The following VSNL1 variants were observed in gnomAD, a reference collection of about 807,000 sequenced individuals.
VSNL1 encodes visinin like 1, also known as visinin-like protein 1.
VSNL1 carries 6 observed loss-of-function variants against 20.4 expected under a neutral mutation model. The ratio of observed to expected loss-of-function variants is 0.29; its 90% CI spans 0.16 to 0.58. The LOEUF (loss-of-function observed/expected upper bound fraction) is 0.58, where lower values mean the gene tolerates loss of function less well. Among genes scored for constraint, VSNL1 ranks in the 20% least tolerant of loss-of-function variants. The probability of loss-of-function intolerance (pLI) is 0.90; values close to 1 mark genes in which losing one functional copy is unlikely to be tolerated. For synonymous variants in VSNL1, 93 were observed against 86.4 expected (o/e 1.08, Z -0.42); for missense variants, 100 against 234.5 (o/e 0.43, Z 3.75).
In VSNL1 at chr2:17,587,394, C is replaced by CACACAT. The variant is rs546861051; in HGVS notation, c.-5-4675_-5-4674insCACATA. 5.5e-3 allele frequency among the ~76,000 whole-genome samples: 795 copies of CACACAT among 144,566 alleles called. 10 individuals carry two copies. The highest frequency in any genetic ancestry group is 0.018 in the African/African-American group (730 of 39,512). The allele number at this position is 144,566 out of a possible 152,430, so 94.8% of individuals were successfully genotyped here. ...ACACACACACACACACACACACACACATATATTTTGTTTCAATCCTCTTTA... is the reference window on the plus strand; with the variant it reads ...ACACACACACACACACACACACACACACACATATATATTTTGTTTCAATCCTCTTTA... On this transcript the variant is annotated intron_variant, in intron 1 of 3. Transcript: ENST00000295156.
At chr2:17,587,249 C>T (rs1572349243) in intron 1 of VSNL1, among the ~76,000 whole-genome samples, 1 of 151,988 alleles carries the variant, frequency 6.6e-6, no homozygotes, top group Non-Finnish European at 1.5e-5. Flanking sequence ...CTGGGAGGAG[C>T]TGGATATGCA....
At chr2:17,623,970 G>A (rs187799236) in intron 2 of VSNL1, among the ~76,000 whole-genome samples, 9 of 152,198 alleles carry the variant, frequency 5.9e-5, no homozygotes, top group Non-Finnish European at 1.2e-4. Context: ...TCATAGTGTC[G>A]CTAGCTACAA....
At chr2:17,637,904 C>T (rs985464819) in intron 2 of VSNL1, among the ~76,000 whole-genome samples, 4 of 152,172 alleles carry the variant, frequency 2.6e-5, no homozygotes, top group South Asian at 2.1e-4. Flanking sequence ...CTTTCCCGGA[C>T]GTGGTCTCAC....
intron 2 of VSNL1, among the ~76,000 whole-genome samples, chr2:17,629,872 C>T (rs555068255): frequency 7.3e-4 from 111 of 152,240 alleles, no homozygotes; most frequent in Middle Eastern, 3.4e-3. Flanking sequence ...GGGGTGGTCC[C>T]CCACCCCCAC....
At chr2:17,578,146 T>C (rs764238668) in intron 1 of VSNL1, among the ~76,000 whole-genome samples, 1 of 152,262 alleles carries the variant, frequency 6.6e-6, no homozygotes, top group Non-Finnish European at 1.5e-5. Flanking sequence ...CACAATTTAA[T>C]GTTGAATGAA....
intron 1 of VSNL1, among the ~76,000 whole-genome samples, chr2:17,561,311 C>T (rs145335187): frequency 6.6e-6 from 1 of 152,194 alleles, no homozygotes; most frequent in Non-Finnish European, 1.5e-5. Context: ...AGGAGTCAGC[C>T]AGGTGAAGAG....
At chr2:17,563,537 T>C (rs1160917790) in intron 1 of VSNL1, among the ~76,000 whole-genome samples, 1 of 152,170 alleles carries the variant, frequency 6.6e-6, no homozygotes, top group Non-Finnish European at 1.5e-5. Flanking sequence ...ATTGCCTGTC[T>C]GCTATCTGAA....
chr2:17,568,578 C>A (rs1286750191), intron 1 of VSNL1, among the ~76,000 whole-genome samples: 2 of 152,216 alleles, frequency 1.3e-5, no homozygotes, highest in East Asian at 1.9e-4. Flanking sequence ...CAACCCCCAT[C>A]ATTCATGTCA....
Position 17,649,748 on chromosome 2 carries a change from C to T in VSNL1, c.378+123C>T. ...CGAGCCCTGCCAGCTGCACACCACG[C>T]CTGGACTTCTCCTGCTTCTGTCCCC... is the stretch of plus-strand genomic sequence containing the variant. On this transcript the variant is annotated intron_variant, in intron 3 of 3. Transcript: ENST00000295156. This position sits in a 1 kb window ranked among gnomAD's most constrained non-coding sequence, Gnocchi z 6.4. The T allele has an allele frequency of 2.2e-6, 2 of 905,906 alleles. No homozygotes were observed. Among genetic ancestry groups the T allele is most frequent in the Non-Finnish European group, 3.4e-6 (2 of 591,716 alleles). The allele number at this position is 905,906 out of a possible 1,614,324, so 56.1% of individuals were successfully genotyped here.
At chr2:17,594,863 A>T (rs1220660428) in intron 2 of VSNL1, among the ~76,000 whole-genome samples, 2 of 152,248 alleles carry the variant, frequency 1.3e-5, no homozygotes, top group Non-Finnish European at 2.9e-5. Context: ...TTGCATTCCA[A>T]ATGTGAAGGA....
chr2:17,619,693 C>CCAGG (rs1171090141), intron 2 of VSNL1, among the ~76,000 whole-genome samples: 4 of 152,110 alleles, frequency 2.6e-5, no homozygotes, highest in Admixed American at 1.3e-4. Context: ...GACTCCCCAT[C>CCAGG]CAGGGCTCCC....
intron 2 of VSNL1, among the ~76,000 whole-genome samples, chr2:17,636,962 T>A (rs1231824334): frequency 6.6e-6 from 1 of 152,206 alleles, no homozygotes; most frequent in Non-Finnish European, 1.5e-5. Flanking sequence ...AATCTCCTGA[T>A]TTACAGGCAG....
chr2:17,582,082 G>A (rs1252534990), intron 1 of VSNL1, among the ~76,000 whole-genome samples: 1 of 152,164 alleles, frequency 6.6e-6, no homozygotes, highest in Admixed American at 6.5e-5. Flanking sequence ...GTTCACTAGA[G>A]AACCAACGTG....
intron 2 of VSNL1, among the ~76,000 whole-genome samples, chr2:17,617,202 G>C (rs747405352): frequency 6.6e-6 from 1 of 152,184 alleles, no homozygotes; most frequent in Admixed American, 6.5e-5. Flanking sequence ...TTCAGCAGGA[G>C]AGCTTGAGAG....
chr2:17,612,905 G>T (rs1665124399), intron 2 of VSNL1, among the ~76,000 whole-genome samples: 1 of 152,152 alleles, frequency 6.6e-6, no homozygotes, highest in Non-Finnish European at 1.5e-5. Context: ...CAGTTCTAGG[G>T]ATACAGAGAT....
intron 2 of VSNL1, among the ~76,000 whole-genome samples, chr2:17,629,235 G>A (rs1051861688): frequency 4.6e-5 from 7 of 152,198 alleles, no homozygotes; most frequent in Non-Finnish European, 8.8e-5. Flanking sequence ...ACACATCTGA[G>A]ATCCAATCCC....
At chr2:17,553,135 G>A (rs1032798968) in intron 1 of VSNL1, among the ~76,000 whole-genome samples, 9 of 152,148 alleles carry the variant, frequency 5.9e-5, no homozygotes, top group African/African-American at 1.9e-4. Flanking sequence ...GCCAAAAAGC[G>A]TGGCCTTCTT....
At chr2:17,613,154 C>T (rs1337194978) in intron 2 of VSNL1, among the ~76,000 whole-genome samples, 1 of 152,162 alleles carries the variant, frequency 6.6e-6, no homozygotes, top group Non-Finnish European at 1.5e-5. Context: ...CCCCACAATT[C>T]ATCACCATCC....
At chr2:17,623,511 T>TA (rs1665433302) in intron 2 of VSNL1, among the ~76,000 whole-genome samples, 1 of 151,376 alleles carries the variant, frequency 6.6e-6, no homozygotes, top group Non-Finnish European at 1.5e-5. Flanking sequence ...CTACTAAAAA[T>TA]ACAAAAAAAT....
Sources: gnomAD v4.1 joint callset for allele counts (sites outside exome capture counted in the v4.1 genomes callset) on GRCh38, gnomAD v4.1.1 for gene constraint, Gnocchi (gnomAD v3.1) non-coding constraint, MANE v1.5 for transcripts, NCBI Gene and HGNC (gene_info 2026-07-23, HGNC 2026-07-21) for gene names.